The following PGCKA1 variants were observed in gnomAD, a reference collection of about 807,000 sequenced individuals.
PGCKA1 encodes PDCD10 and GCKIII kinases associated 1.
the PGCKA1 span, among the ~76,000 whole-genome samples, chr4:37,562,815 C>T: frequency 5.3e-5 from 8 of 152,144 alleles, no homozygotes; most frequent in Admixed American, 2.6e-4. Flanking sequence ...GAATCAAGTT[C>T]GGTACTTGGC....
the PGCKA1 span, chr4:37,590,495 G>A: frequency 1.2e-6 from 2 of 1,613,882 alleles, no homozygotes; most frequent in Admixed American, 1.7e-5. Flanking sequence ...AAACAGGACT[G>A]TGTGCTGCTG....
At chr4:37,575,918 G>T in the PGCKA1 span, among the ~76,000 whole-genome samples, 1 of 152,002 alleles carries the variant, frequency 6.6e-6, no homozygotes, top group Non-Finnish European at 1.5e-5. Context: ...TAAGTGTATT[G>T]ATTTGTTTCT....
At chr4:37,518,953 A>G in the PGCKA1 span, among the ~76,000 whole-genome samples, 1 of 152,192 alleles carries the variant, frequency 6.6e-6, no homozygotes, top group Non-Finnish European at 1.5e-5. Flanking sequence ...GTATATGGCA[A>G]GAGATAAGGA....
the PGCKA1 span, among the ~76,000 whole-genome samples, chr4:37,586,846 G>A: frequency 3.3e-5 from 5 of 152,326 alleles, no homozygotes; most frequent in East Asian, 9.6e-4. Flanking sequence ...GGAGGCAGAG[G>A]TTGCAGCGAG....
the PGCKA1 span, among the ~76,000 whole-genome samples, chr4:37,573,771 C>T: frequency 6.6e-6 from 1 of 152,192 alleles, no homozygotes; most frequent in South Asian, 2.1e-4. Flanking sequence ...ATTGCTGAGT[C>T]AGAGATTATG....
At chr4:37,536,420 G>A in the PGCKA1 span, among the ~76,000 whole-genome samples, 9 of 152,216 alleles carry the variant, frequency 5.9e-5, no homozygotes, top group African/African-American at 1.2e-4. Context: ...GAATCTGGGC[G>A]CAGGATAATG....
At chr4:37,521,663 C>T in the PGCKA1 span, among the ~76,000 whole-genome samples, 1 of 152,100 alleles carries the variant, frequency 6.6e-6, no homozygotes, top group Non-Finnish European at 1.5e-5. Context: ...TATTCTGAAG[C>T]TGTTGGATGA....
the PGCKA1 span, among the ~76,000 whole-genome samples, chr4:37,489,899 G>T: frequency 4.6e-5 from 7 of 152,068 alleles, no homozygotes; most frequent in Non-Finnish European, 8.8e-5. Context: ...AAATGGGATT[G>T]CTGTAGCCAA....
chr4:37,504,652 T>C, the PGCKA1 span, among the ~76,000 whole-genome samples: 1 of 152,192 alleles, frequency 6.6e-6, no homozygotes, highest in Non-Finnish European at 1.5e-5. Flanking sequence ...CTTCTTTGGC[T>C]AATTCCTAGG....
chr4:37,533,417 C>T, the PGCKA1 span, among the ~76,000 whole-genome samples: 18 of 152,276 alleles, frequency 1.2e-4, no homozygotes, highest in African/African-American at 2.9e-4. Context: ...TGAATTGTCA[C>T]GCATATCGTT....
the PGCKA1 span, among the ~76,000 whole-genome samples, chr4:37,467,588 A>C: frequency 6.6e-6 from 1 of 152,226 alleles, no homozygotes; most frequent in Non-Finnish European, 1.5e-5. Context: ...GAGGTCTAGA[A>C]GGACTAATGG....
chr4:37,570,852 G>A, the PGCKA1 span, among the ~76,000 whole-genome samples: 559 of 152,308 alleles, frequency 3.7e-3, 2 homozygotes, highest in African/African-American at 0.013. Flanking sequence ...GCATAATAGA[G>A]GTTTTGCTGT....
chr4:37,581,102 G>A, the PGCKA1 span, among the ~76,000 whole-genome samples: 2 of 152,036 alleles, frequency 1.3e-5, no homozygotes, highest in Non-Finnish European at 2.9e-5. This position sits in a 1 kb window ranked among gnomAD's most constrained non-coding sequence, Gnocchi z 4.4. Flanking sequence ...TTTATAGTAA[G>A]TTCTGCCAGG....
the PGCKA1 span, among the ~76,000 whole-genome samples, chr4:37,525,521 T>A: frequency 0.5 from 76,249 of 152,034 alleles, 19,976 homozygotes; most frequent in African/African-American, 0.64. Context: ...AAGGAGGCCC[T>A]AAGCAATTCA....
the PGCKA1 span, among the ~76,000 whole-genome samples, chr4:37,560,916 C>G: frequency 2.0e-5 from 3 of 151,284 alleles, no homozygotes; most frequent in East Asian, 5.8e-4. Flanking sequence ...ACGAAACCAT[C>G]CTATAATCCT....
chr4:37,580,652 G>T, the PGCKA1 span, among the ~76,000 whole-genome samples: 1 of 152,214 alleles, frequency 6.6e-6, no homozygotes, highest in Admixed American at 6.5e-5. Context: ...TGGGGATAGG[G>T]TGACACAAGC....
At chr4:37,482,252 A>G in the PGCKA1 span, among the ~76,000 whole-genome samples, 2 of 152,216 alleles carry the variant, frequency 1.3e-5, no homozygotes, top group Admixed American at 6.5e-5. Flanking sequence ...TCAGGAGAAG[A>G]CAGAAAAATG....
At chr4:37,574,512 A>G in the PGCKA1 span, among the ~76,000 whole-genome samples, 32 of 152,268 alleles carry the variant, frequency 2.1e-4, 1 homozygote, top group East Asian at 2.3e-3. Context: ...GGGTATGTGA[A>G]ATATTTTGAT....
chr4:37,545,185 T>C, the PGCKA1 span, among the ~76,000 whole-genome samples: 1 of 152,190 alleles, frequency 6.6e-6, no homozygotes, highest in Non-Finnish European at 1.5e-5. Flanking sequence ...TCTATCTTTA[T>C]GGTAGAGACT....
Sources: allele counts gnomAD v4.1 joint callset (sites outside exome capture counted in the v4.1 genomes callset), GRCh38; gene constraint gnomAD v4.1.1; non-coding constraint Gnocchi (gnomAD v3.1); transcripts MANE v1.5; gene names NCBI Gene and HGNC (gene_info 2026-07-23, HGNC 2026-07-21).